MYO5A: variants seen among roughly 807,000 people sequenced by gnomAD.
MYO5A encodes the protein myosin VA, also known as unconventional myosin-Va.
Under a neutral mutation model 249.7 loss-of-function variants are expected in MYO5A, and 98 were observed. The ratio of observed to expected loss-of-function variants is 0.39; its 90% CI spans 0.33 to 0.46. The LOEUF is 0.46. Ranked by LOEUF, MYO5A falls within the 20% of genes least tolerant of loss-of-function variation. The pLI, the probability that MYO5A is intolerant of heterozygous loss-of-function variation, is 0.98. For missense variants in MYO5A, 1,696 were observed against 2,308.8 expected (o/e 0.73, Z 5.44); for synonymous variants, 778 against 810.6 (o/e 0.96, Z 0.68).
chr15:52,379,230 G>C (rs1047305401), intron 18 of MYO5A, among the ~76,000 whole-genome samples: 1 of 152,102 alleles, frequency 6.6e-6, no homozygotes, highest in East Asian at 1.9e-4. Context: ...ATTTGATATA[G>C]ACACTACAGT....
chr15:52,431,895 G>C (rs2075548488), intron 2 of MYO5A, among the ~76,000 whole-genome samples: 1 of 151,986 alleles, frequency 6.6e-6, no homozygotes, highest in Non-Finnish European at 1.5e-5. Flanking sequence ...GGGAGGCTGA[G>C]CCTGGGAGGC....
At chr15:52,469,690 T>C (rs955790373) in intron 1 of MYO5A, among the ~76,000 whole-genome samples, 1 of 152,264 alleles carries the variant, frequency 6.6e-6, no homozygotes, top group Non-Finnish European at 1.5e-5. Flanking sequence ...TTTGATTTTG[T>C]TTCAGTGCCC....
chr15:52,483,090 T>C (rs1251217716), intron 1 of MYO5A, among the ~76,000 whole-genome samples: 1 of 152,200 alleles, frequency 6.6e-6, no homozygotes, highest in African/African-American at 2.4e-5. Context: ...AATTGGTGGC[T>C]TTTCTGGTAC....
intron 34 of MYO5A, among the ~76,000 whole-genome samples, chr15:52,332,188 C>T (rs2038918789): frequency 1.3e-5 from 2 of 152,194 alleles, no homozygotes; most frequent in African/African-American, 4.8e-5. Context: ...ACAAGTTCAA[C>T]ATACTAGGTT....
intron 36 of MYO5A, among the ~76,000 whole-genome samples, chr15:52,325,182 C>T (rs34908689): frequency 0.022 from 3,304 of 152,254 alleles, 40 homozygotes; most frequent in Non-Finnish European, 0.028. Flanking sequence ...TGGTCACTGT[C>T]GGGCTATGGG....
intron 16 of MYO5A, among the ~76,000 whole-genome samples, 183 bp from the exon 17 acceptor site, chr15:52,380,091 A>G (rs2041653903): frequency 1.3e-5 from 2 of 152,192 alleles, no homozygotes; most frequent in Admixed American, 1.3e-4. Context: ...AGGAGATGAT[A>G]AGCAGTAAAA....
intron 1 of MYO5A, among the ~76,000 whole-genome samples, chr15:52,434,844 A>C (rs2075626662): frequency 6.6e-6 from 1 of 152,216 alleles, no homozygotes; most frequent in African/African-American, 2.4e-5. Flanking sequence ...AAGACATGAC[A>C]CAATCAATCA....
chr15:52,528,869 C>T lies in MYO5A; in HGVS notation c.-63G>A. On this transcript the variant is annotated 5_prime_UTR_variant, in exon 1 of 42. Transcript: ENST00000399233. ...AGGCCGCACCTCGCCTGGGCGGCCG[C>T]CCGAGCGGACTAGGAAGCGCCCGCA... 7 of 1,411,156 alleles carry T rather than the reference C, an allele frequency of 5.0e-6. No homozygotes were observed. The highest frequency in any genetic ancestry group is 5.5e-6 in the Non-Finnish European group (6 of 1,085,118). 87.4% of individuals were successfully genotyped at this position (1,411,156 alleles called of 1,614,324 possible).
chr15:52,413,970 C>T (rs1486668548), intron 5 of MYO5A, among the ~76,000 whole-genome samples: 1 of 152,066 alleles, frequency 6.6e-6, no homozygotes, highest in Non-Finnish European at 1.5e-5. Flanking sequence ...TATAACGTGT[C>T]CCCACCAAAA....
chr15:52,338,866 A>C (rs1304443456), intron 32 of MYO5A, among the ~76,000 whole-genome samples: 4 of 152,226 alleles, frequency 2.6e-5, no homozygotes, highest in Non-Finnish European at 5.9e-5. Context: ...TGTATTTTAA[A>C]ACAATAATTT....
At chr15:52,339,570 A>C (rs1172213079) in intron 32 of MYO5A, among the ~76,000 whole-genome samples, 2 of 151,972 alleles carry the variant, frequency 1.3e-5, no homozygotes, top group African/African-American at 2.4e-5. Context: ...AAACAGTCAG[A>C]CTCCATGCCA....
At chr15:52,485,272 A>C (rs1458491161) in intron 1 of MYO5A, among the ~76,000 whole-genome samples, 1 of 151,326 alleles carries the variant, frequency 6.6e-6, no homozygotes, top group Non-Finnish European at 1.5e-5. Flanking sequence ...AAAAAAAAAA[A>C]AAAAAAACAA....
chr15:52,407,499 T>G, intron 7 of MYO5A, 100 bp from the exon 8 acceptor site: 1 of 743,958 alleles, frequency 1.3e-6, no homozygotes. Context: ...CACAGTTGAG[T>G]GTACAGCATC....
chr15:52,388,825 T>A (rs2042083252), intron 13 of MYO5A, among the ~76,000 whole-genome samples: 1 of 152,116 alleles, frequency 6.6e-6, no homozygotes, highest in African/African-American at 2.4e-5. Context: ...AGTATGTACA[T>A]ACACCATTTT....
chr15:52,335,440 C>T lies in MYO5A; in HGVS notation c.4408+1023G>A, dbSNP rs149239877. 5.5e-4 allele frequency among the ~76,000 whole-genome samples: 81 copies of T among 147,932 alleles called. No homozygotes were observed. The East Asian group carries it at 0.015, about 27-fold the overall frequency. On this transcript the variant is annotated intron_variant, in intron 34 of 41. Coordinates refer to ENST00000399233, the MANE Select transcript of MYO5A (RefSeq NM_001382347.1). ...CTGAGGCAGGAGAATTGCTTGAACCCGGGAAGCAGAGGTTGCAGTGAGCCG... is the reference window on the plus strand; with the variant it reads ...CTGAGGCAGGAGAATTGCTTGAACCTGGGAAGCAGAGGTTGCAGTGAGCCG...
In MYO5A at chr15:52,311,567, AC is replaced by A. The variant is rs1241611355; in HGVS notation, c.*2128del. The A allele has an allele frequency of 6.6e-5, 10 of 152,360 alleles. No homozygotes were observed. In the East Asian group the frequency reaches 1.7e-3, roughly 26 times the overall value. The allele number at this position is 152,360 out of a possible 1,614,324, so 9.4% of individuals were successfully genotyped here. A position where few individuals can be genotyped will look rare whatever the true frequency, so the allele number is the denominator to read the frequency against. ...AAAAATTACTTAAACTAATTATAAT[AC>A]AAATATAGTAGGACCTTCTAAAAGC... On this transcript the variant is annotated 3_prime_UTR_variant, in exon 42 of 42. Transcript: ENST00000399233.
chr15:52,492,243 A>G (rs893153926), intron 1 of MYO5A, among the ~76,000 whole-genome samples: 1 of 152,196 alleles, frequency 6.6e-6, no homozygotes. Context: ...ATATAACTGT[A>G]CTCGTGGCCA....
intron 10 of MYO5A, 116 bp from the exon 11 acceptor site, chr15:52,396,513 CTT>C: frequency 1.5e-6 from 1 of 668,666 alleles, no homozygotes; most frequent in Non-Finnish European, 2.6e-6. Flanking sequence ...CATTGTAAAA[CTT>C]TCTTTCCATA....
At chr15:52,502,401 G>C (rs1207311755) in intron 1 of MYO5A, among the ~76,000 whole-genome samples, 1 of 152,172 alleles carries the variant, frequency 6.6e-6, no homozygotes, top group Non-Finnish European at 1.5e-5. Context: ...ACAGAGAGTA[G>C]AGACAAAATA....
Sources: allele counts gnomAD v4.1 joint callset (sites outside exome capture counted in the v4.1 genomes callset), GRCh38; gene constraint gnomAD v4.1.1; transcripts MANE v1.5; gene names NCBI Gene and HGNC (gene_info 2026-07-23, HGNC 2026-07-21).